KIF11: variants seen among roughly 807,000 people sequenced by gnomAD.
The protein encoded by KIF11 is kinesin-like protein KIF11.
Under a neutral mutation model 121.0 loss-of-function variants are expected in KIF11, and 9 were observed. That is an observed-to-expected ratio of 0.07 (90% CI 0.04 to 0.13). KIF11 has a LOEUF of 0.13. KIF11 is among the 10% of genes least tolerant of loss of function. KIF11 has a pLI of 1.00. For synonymous variants in KIF11, 408 were observed against 421.0 expected (o/e 0.97, Z 0.38); for missense variants, 846 against 1,217.5 (o/e 0.69, Z 4.54).
chr10:92,644,716 TAG>T (rs1844901342), intron 17 of KIF11, among the ~76,000 whole-genome samples: 1 of 152,290 alleles, frequency 6.6e-6, no homozygotes, highest in Non-Finnish European at 1.5e-5. Context: ...CTAGTGGTAA[TAG>T]AGAGTCACTT....
At chr10:92,628,301 G>A (rs992458969) in intron 10 of KIF11, among the ~76,000 whole-genome samples, 3 of 152,142 alleles carry the variant, frequency 2.0e-5, no homozygotes, top group South Asian at 2.1e-4. Context: ...GCAGCAGGGG[G>A]TGTAATTGCT....
At chr10:92,610,166 A>G (rs971138768) in intron 6 of KIF11, among the ~76,000 whole-genome samples, 36 of 152,174 alleles carry the variant, frequency 2.4e-4, no homozygotes, top group Non-Finnish European at 3.4e-4. Context: ...AGCCTTATGA[A>G]GGGGTCCCTG....
intron 21 of KIF11, among the ~76,000 whole-genome samples, chr10:92,653,358 C>T (rs1263511402): frequency 3.9e-5 from 6 of 152,262 alleles, no homozygotes; most frequent in African/African-American, 1.4e-4. Flanking sequence ...GCCAAATGTC[C>T]CCTGTGGCAG....
intron 1 of KIF11, among the ~76,000 whole-genome samples, chr10:92,599,393 C>T (rs1016753447): frequency 1.3e-5 from 2 of 151,050 alleles, no homozygotes; most frequent in African/African-American, 4.8e-5. Flanking sequence ...TGCATCGTGG[C>T]GCGTGCCTGT....
At chr10:92,595,674 C>T (rs1279483488) in intron 1 of KIF11, among the ~76,000 whole-genome samples, 1 of 152,148 alleles carries the variant, frequency 6.6e-6, no homozygotes, top group East Asian at 1.9e-4. Context: ...CATCCATCTC[C>T]ATAACTCTTT....
intron 12 of KIF11, among the ~76,000 whole-genome samples, chr10:92,630,970 A>G (rs1844732502): frequency 6.6e-6 from 1 of 151,006 alleles, no homozygotes; most frequent in Admixed American, 6.6e-5. Context: ...GGGATGATTG[A>G]ACCTAATTAG....
intron 1 of KIF11, among the ~76,000 whole-genome samples, chr10:92,602,835 T>TACACACAC (rs1387853440): frequency 4.9e-5 from 7 of 143,748 alleles, no homozygotes; most frequent in Non-Finnish European, 7.7e-5. Context: ...CGTGTGTGTG[T>TACACACAC]GTGTGTGTGT....
At chr10:92,595,243 A>G (rs1844281786) in intron 1 of KIF11, among the ~76,000 whole-genome samples, 1 of 152,150 alleles carries the variant, frequency 6.6e-6, no homozygotes, top group African/African-American at 2.4e-5. Flanking sequence ...TATTTTTAGT[A>G]GAGATGGGGT....
chr10:92,637,962 A>G (rs74662385), intron 16 of KIF11, among the ~76,000 whole-genome samples: 4 of 152,166 alleles, frequency 2.6e-5, no homozygotes, highest in Non-Finnish European at 5.9e-5. Flanking sequence ...TGTCTCACTG[A>G]TAGACATTTA....
chr10:92,627,107 G>C (rs779339212), intron 10 of KIF11, among the ~76,000 whole-genome samples: 1 of 152,166 alleles, frequency 6.6e-6, no homozygotes, highest in Non-Finnish European at 1.5e-5. Context: ...TTCATCAAAA[G>C]ACTATTAGAA....
intron 1 of KIF11, among the ~76,000 whole-genome samples, chr10:92,599,658 C>CTTTTCTT (rs1254135649): frequency 7.3e-6 from 1 of 137,428 alleles, no homozygotes; most frequent in Admixed American, 7.4e-5. Flanking sequence ...GTTTTCTTTT[C>CTTTTCTT]TTTTTTTTTT....
rs143462733 is a variant in KIF11, at chr10:92,603,993, A to G, written c.78-2272A>G. On this transcript the variant is annotated intron_variant, in intron 1 of 21. Transcript: ENST00000260731. ...TAAGTACTTGATGAATATTTGTGGA[A>G]TGAGTTAATTTAGCACTTCTCCACA... is the stretch of plus-strand genomic sequence containing the variant. Among the ~76,000 whole-genome samples the G allele has an allele frequency of 2.8e-4, 43 of 152,292 alleles. 2 individuals are homozygous for G. The East Asian group carries it at 8.3e-3, about 29-fold the overall frequency.
chr10:92,647,773 A>G (rs1844935562), intron 18 of KIF11, among the ~76,000 whole-genome samples: 1 of 152,142 alleles, frequency 6.6e-6, no homozygotes, highest in Admixed American at 6.6e-5. Flanking sequence ...AATGAATACA[A>G]GGGAGTTAAT....
At chr10:92,619,335 C>T (rs2135908672) in intron 9 of KIF11, among the ~76,000 whole-genome samples, 1 of 152,136 alleles carries the variant, frequency 6.6e-6, no homozygotes, top group African/African-American at 2.4e-5. Context: ...TTTTTTAGTA[C>T]TAAGTAGTAG....
chr10:92,645,681 A>C, intron 18 of KIF11, 39 bp downstream of exon 18: 3 of 1,414,954 alleles, frequency 2.1e-6, no homozygotes, highest in Non-Finnish European at 2.9e-6. Context: ...TGGGGAGAAT[A>C]ATAATCAGAA....
At chr10:92,628,926 G>A (rs1033038497) in intron 11 of KIF11, 31 bp downstream of exon 11, 2 of 1,143,294 alleles carry the variant, frequency 1.7e-6, no homozygotes, top group South Asian at 2.8e-5. Context: ...TTACTGTTAT[G>A]TGAAAAGCAA....
Position 92,633,612 on chromosome 10 carries a change from G to A in KIF11, c.1703-11G>A. Reference sequence around the variant, plus strand: ...TCAAAGTTTACATCTTTCTGTTTTTGTTTGTTATAGGTAATCTGCTGTCTT... The same window carrying A: ...TCAAAGTTTACATCTTTCTGTTTTTATTTGTTATAGGTAATCTGCTGTCTT... On this transcript the variant is annotated splice_polypyrimidine_tract_variant and intron_variant, in intron 13 of 21. Coordinates refer to ENST00000260731, the MANE Select transcript of KIF11 (RefSeq NM_004523.4). 6.3e-7 allele frequency: 1 copy of A among 1,576,408 alleles called. No homozygotes were observed. The highest frequency in any genetic ancestry group is 8.6e-7 in the Non-Finnish European group (1 of 1,156,890).
At position 92,609,079 on chromosome 10, in the gene KIF11, T is replaced by C. The variant is rs752400095; in HGVS notation, c.447T>C (p.Asp149=). Residue 149 remains aspartate, a synonymous_variant, in exon 5 of 22, where the codon GAT becomes GAC. Coordinates refer to ENST00000260731, the MANE Select transcript of KIF11 (RefSeq NM_004523.4). ...ATCAAATTTTTGAGAAACTTACTGA[T>C]AATGGTACTGAATTTTCAGTCAAAG... ...TLHQIFEKLT[D]NGTEFSVKVS... 9 of 1,603,100 alleles carry C rather than the reference T, an allele frequency of 5.6e-6. No homozygotes were observed. The highest frequency in any genetic ancestry group is 6.8e-6 in the Non-Finnish European group (8 of 1,174,440).
chr10:92,643,942 G>C (rs147950138), intron 17 of KIF11, among the ~76,000 whole-genome samples: 1 of 152,082 alleles, frequency 6.6e-6, no homozygotes, highest in Admixed American at 6.6e-5. Flanking sequence ...ATCCTGTTAA[G>C]TATAGCATGT....
Sources: gnomAD v4.1 joint callset for allele counts (sites outside exome capture counted in the v4.1 genomes callset) on GRCh38, gnomAD v4.1.1 for gene constraint, MANE v1.5 for transcripts, NCBI Gene and HGNC (gene_info 2026-07-23, HGNC 2026-07-21) for gene names.